CLIC6: variants seen among roughly 807,000 people sequenced by gnomAD.
CLIC6 encodes chloride intracellular channel protein 6.
A neutral mutation model predicts 49.2 loss-of-function variants in CLIC6; 39 were observed. The observed-to-expected ratio is 0.79, with a 90% confidence interval of 0.61 to 1.04. The LOEUF (loss-of-function observed/expected upper bound fraction) is 1.04, where lower values mean the gene tolerates loss of function less well. CLIC6 is among the 50% of genes least tolerant of loss of function. CLIC6 has a pLI of 0.00. For missense variants in CLIC6, 988 were observed against 993.1 expected (o/e 0.99, Z 0.07); for synonymous variants, 446 against 433.4 (o/e 1.03, Z -0.36).
chr21:34,677,360 A>C lies in CLIC6; in HGVS notation c.1374+6598A>C, dbSNP rs116036381. 7.1e-3 allele frequency among the ~76,000 whole-genome samples: 1,081 copies of C among 152,334 alleles called. 8 individuals carry two copies. Among genetic ancestry groups the C allele is most frequent in the Non-Finnish European group, 0.011 (736 of 68,026 alleles). On this transcript the variant is annotated intron_variant, in intron 1 of 5. Coordinates refer to ENST00000349499, the MANE Select transcript of CLIC6 (RefSeq NM_053277.3). ...ATATGTTAAGAGCTTGTTATAAAGA[A>C]TACTTTTGCCCCAGCTGGTACTACA...
chr21:34,678,362 A>G (rs1461030317), intron 1 of CLIC6, among the ~76,000 whole-genome samples: 1 of 151,964 alleles, frequency 6.6e-6, no homozygotes, highest in Non-Finnish European at 1.5e-5. Flanking sequence ...GAATGGCGTG[A>G]ACCCAGGAGG....
At chr21:34,686,018 C>T (rs1989870302) in intron 1 of CLIC6, among the ~76,000 whole-genome samples, 1 of 152,172 alleles carries the variant, frequency 6.6e-6, no homozygotes, top group African/African-American at 2.4e-5. Context: ...CTTTTTCACA[C>T]AAAAAATTTG....
Position 34,669,918 on chromosome 21 carries a change from G to A in CLIC6, c.530G>A (p.Gly177Asp). Residue 177 changes from glycine to aspartate, a missense_variant, in exon 1 of 6, where the codon GGC becomes GAC. By Grantham distance (94) the Gly-to-Asp change is moderately conservative. Coordinates refer to ENST00000349499, the MANE Select transcript of CLIC6 (RefSeq NM_053277.3). ...GDNIEAEGPAGDSVEAEGRVG... is the reference protein window; with the variant it reads ...GDNIEAEGPADDSVEAEGRVG... Reference sequence around the variant, plus strand: ...AACATAGAAGCGGAGGGCCCGGCGGGCGACAGCGTAGAGGCGGAGGGCCGG... The same window carrying A: ...AACATAGAAGCGGAGGGCCCGGCGGACGACAGCGTAGAGGCGGAGGGCCGG... The A allele has an allele frequency of 7.6e-7, 1 of 1,319,590 alleles. No homozygotes were observed. 81.7% of individuals were successfully genotyped at this position (1,319,590 alleles called of 1,614,324 possible).
At chr21:34,673,808 C>T (rs1989614111) in intron 1 of CLIC6, among the ~76,000 whole-genome samples, 1 of 152,172 alleles carries the variant, frequency 6.6e-6, no homozygotes. Context: ...GATGTAAAAT[C>T]TGGAAATTAG....
intron 1 of CLIC6, among the ~76,000 whole-genome samples, chr21:34,704,172 A>G (rs1355934765): frequency 6.6e-6 from 1 of 152,226 alleles, no homozygotes; most frequent in Non-Finnish European, 1.5e-5. Context: ...CCCTCGGAAT[A>G]TATGTCTTTA....
chr21:34,708,211 AC>A, intron 3 of CLIC6, 142 bp downstream of exon 3: 1 of 984,684 alleles, frequency 1.0e-6, no homozygotes, highest in Non-Finnish European at 1.5e-6. Context: ...CCCTGGTGTA[AC>A]CAGATTAGAG....
intron 1 of CLIC6, among the ~76,000 whole-genome samples, chr21:34,677,907 A>G (rs148299225): frequency 1.2e-3 from 177 of 152,250 alleles, no homozygotes; most frequent in African/African-American, 4.1e-3. Context: ...AGAATGACTT[A>G]TGTTTTTAAA....
At chr21:34,688,369 C>G (rs2236610) in intron 1 of CLIC6, among the ~76,000 whole-genome samples, 37,580 of 152,128 alleles carry the variant, frequency 0.25, 5,597 homozygotes, top group African/African-American at 0.41. Flanking sequence ...CCCACTAGAG[C>G]GCAGGCGAGG....
At position 34,669,615 on chromosome 21, in the gene CLIC6, C is replaced by T; in HGVS notation, c.227C>T (p.Thr76Met). ...DRGPEAEARG[T>M]RGAHGETEAE... ...GGCCCGGAGGCCGAGGCGCGGGGCA[C>T]GAGGGGGGCGCACGGCGAGACTGAG... is the stretch of plus-strand genomic sequence containing the variant. The change falls in exon 1 of 6, where the codon ACG becomes ATG. Residue 76 changes from threonine to methionine, a missense_variant. By Grantham distance (81) the Thr-to-Met change is moderately conservative. Coordinates refer to ENST00000349499, the MANE Select transcript of CLIC6 (RefSeq NM_053277.3). 7.9e-7 allele frequency: 1 copy of T among 1,272,798 alleles called. No individual in the cohort carries two copies. Among genetic ancestry groups the T allele is most frequent in the East Asian group, 3.2e-5 (1 of 31,730 alleles). The allele number at this position is 1,272,798 out of a possible 1,614,324, so 78.8% of individuals were successfully genotyped here. A position where few individuals can be genotyped will look rare whatever the true frequency, so the allele number is the denominator to read the frequency against.
intron 1 of CLIC6, among the ~76,000 whole-genome samples, chr21:34,704,728 A>G (rs2056002682): frequency 1.3e-5 from 2 of 152,234 alleles, no homozygotes; most frequent in Admixed American, 1.3e-4. Flanking sequence ...TATTTTTTGA[A>G]AAATTTATTG....
At chr21:34,682,188 CGGGAAA>C (rs2145801651) in intron 1 of CLIC6, among the ~76,000 whole-genome samples, 1 of 152,240 alleles carries the variant, frequency 6.6e-6, no homozygotes, top group East Asian at 1.9e-4. Context: ...GGCATTGCTA[CGGGAAA>C]GGGTGTGCAT....
chr21:34,713,361 G>A (rs564385065), intron 5 of CLIC6, among the ~76,000 whole-genome samples: 94 of 152,166 alleles, frequency 6.2e-4, no homozygotes, highest in Non-Finnish European at 1.2e-3. Flanking sequence ...TCACAAAGGG[G>A]ATGGAAATCA....
intron 1 of CLIC6, among the ~76,000 whole-genome samples, chr21:34,700,634 G>A (rs1990171985): frequency 7.1e-6 from 1 of 139,926 alleles, no homozygotes; most frequent in Admixed American, 6.9e-5. Flanking sequence ...ACTTCAAGCT[G>A]TCATGGGGAG....
chr21:34,712,828 G>C (rs2056065333), intron 5 of CLIC6, among the ~76,000 whole-genome samples: 1 of 152,102 alleles, frequency 6.6e-6, no homozygotes. Flanking sequence ...CCTAATCTGT[G>C]AGCCTCAGAG....
rs778617931 is a variant in CLIC6, at chr21:34,708,801, A to G, written c.1712A>G (p.Asn571Ser). Residue 571 changes from asparagine (N) to serine (S), a missense_variant, in exon 4 of 6, where the codon AAT becomes AGT. Asn to Ser is a conservative substitution (Grantham distance 46, BLOSUM62 1). Around this residue, in one of 3 missense-constraint regions of CLIC6, gnomAD observed 647 missense variants for 596.9 expected, o/e 1.08. Coordinates refer to ENST00000349499, the MANE Select transcript of CLIC6 (RefSeq NM_053277.3). ...ATAAAAAACACGAAGAAGGATGCAAATGAGAGTGAGTACCTCCCATCCTCC... is the reference window on the plus strand; with the variant it reads ...ATAAAAAACACGAAGAAGGATGCAAGTGAGAGTGAGTACCTCCCATCCTCC... ...AFIKNTKKDA[N>S]EIHEKNLLKA... The G allele has an allele frequency of 1.9e-6, 3 of 1,608,790 alleles. No homozygotes were observed. The South Asian group carries it at 3.3e-5, about 18-fold the overall frequency.
At chr21:34,707,911 G>A in intron 2 of CLIC6, 33 bp from the exon 3 acceptor site, 1 of 1,612,150 alleles carries the variant, frequency 6.2e-7, no homozygotes, top group Non-Finnish European at 8.5e-7. Flanking sequence ...TTCTCACGGT[G>A]GCCCATAAAC....
chr21:34,686,756 C>T (rs151274105), intron 1 of CLIC6, among the ~76,000 whole-genome samples: 153 of 152,292 alleles, frequency 1.0e-3, no homozygotes, highest in African/African-American at 3.2e-3. Context: ...AGATGATGGG[C>T]ATGTGTGTGA....
chr21:34,669,083 C>T lies in CLIC6; in HGVS notation c.-306C>T, dbSNP rs976855811. Among the ~76,000 whole-genome samples, 3 of 152,244 alleles carry T rather than the reference C, an allele frequency of 2.0e-5. No homozygotes were observed. Among genetic ancestry groups the T allele is most frequent in the Non-Finnish European group, 4.4e-5 (3 of 68,042 alleles). On this transcript the variant is annotated 5_prime_UTR_variant, in exon 1 of 6. Transcript: ENST00000349499. ...CAGCCGTGCACTGCACCTCCGCGGC[C>T]CGCGGGCGAGATTGGGGTCCCGGTG...
At chr21:34,707,156 G>A (rs1329173179) in intron 1 of CLIC6, 124 bp from the exon 2 acceptor site, 18 of 764,336 alleles carry the variant, frequency 2.4e-5, no homozygotes, top group Non-Finnish European at 4.1e-5. Context: ...ATGGCCTCAG[G>A]AGGATATTCG....
Sources: allele counts gnomAD v4.1 joint callset (sites outside exome capture counted in the v4.1 genomes callset), GRCh38; gene constraint gnomAD v4.1.1; regional missense constraint gnomAD v4.1.1; transcripts MANE v1.5; gene names NCBI Gene and HGNC (gene_info 2026-07-23, HGNC 2026-07-21).